The following SDK2 variants were observed in gnomAD, a reference collection of about 807,000 sequenced individuals.
The protein encoded by SDK2 is protein sidekick-2.
Under a neutral mutation model 253.9 loss-of-function variants are expected in SDK2, and 105 were observed. That is an observed-to-expected ratio of 0.41 (90% CI 0.35 to 0.49). The LOEUF is 0.49. Ranked by LOEUF, SDK2 falls within the 20% of genes least tolerant of loss-of-function variation. The pLI, the probability that SDK2 is intolerant of heterozygous loss-of-function variation, is 0.06. For missense variants in SDK2, 2,608 were observed against 3,003.0 expected, an observed-to-expected ratio of 0.87 and a Z score of 3.07; for synonymous variants, 1,249 against 1,234.9, an observed-to-expected ratio of 1.01 and a Z score of -0.24.
chr17:73,384,984 T>C (rs112706059), intron 32 of SDK2, among the ~76,000 whole-genome samples: 2 of 152,202 alleles, frequency 1.3e-5, no homozygotes, highest in African/African-American at 4.8e-5. Flanking sequence ...GTCATGTTTA[T>C]CTACGGGAGC....
intron 36 of SDK2, among the ~76,000 whole-genome samples, chr17:73,372,840 T>C (rs183581234): frequency 6.6e-6 from 1 of 152,246 alleles, no homozygotes; most frequent in African/African-American, 2.4e-5. Flanking sequence ...ACACATGCAT[T>C]ATGAAATGAT....
intron 2 of SDK2, among the ~76,000 whole-genome samples, chr17:73,490,549 GT>G (rs767658702): frequency 7.4e-4 from 101 of 136,796 alleles, no homozygotes; most frequent in Non-Finnish European, 9.5e-4. Flanking sequence ...TTTGAGATGG[GT>G]TTTTTTTTTT....
At position 73,477,504 on chromosome 17, in the gene SDK2, A is replaced by C. The variant is rs553007670; in HGVS notation, c.225-5286T>G. Among the ~76,000 whole-genome samples, 17 of 152,328 alleles carry C rather than the reference A, an allele frequency of 1.1e-4. 1 individual carries two copies. The East Asian group carries it at 3.3e-3, about 29-fold the overall frequency. On this transcript the variant is annotated intron_variant, in intron 2 of 44. Transcript: ENST00000392650. ...ATGTGTGGCCCAGGCAAGTTATGGG[A>C]CCTTGCAAGCCTTAGTTTCCCTGAC... is the stretch of plus-strand genomic sequence containing the variant.
intron 36 of SDK2, among the ~76,000 whole-genome samples, chr17:73,376,617 C>G (rs1332480231): frequency 6.6e-6 from 1 of 152,028 alleles, no homozygotes; most frequent in African/African-American, 2.4e-5. Context: ...ATGTAGGCCT[C>G]TGCTGTATTC....
At chr17:73,402,597 GA>G (rs2145531346) in intron 18 of SDK2, among the ~76,000 whole-genome samples, 1 of 152,180 alleles carries the variant, frequency 6.6e-6, no homozygotes, top group South Asian at 2.1e-4. Flanking sequence ...GCACACCCAT[GA>G]AGCCGGCCCT....
At chr17:73,501,974 C>T (rs1319418301) in intron 2 of SDK2, among the ~76,000 whole-genome samples, 3 of 152,122 alleles carry the variant, frequency 2.0e-5, no homozygotes, top group Non-Finnish European at 4.4e-5. Context: ...CTGACTTCAA[C>T]GTCTATGCTC....
At chr17:73,505,051 C>T (rs1397766263) in intron 2 of SDK2, among the ~76,000 whole-genome samples, 2 of 152,072 alleles carry the variant, frequency 1.3e-5, no homozygotes, top group Non-Finnish European at 1.5e-5. Flanking sequence ...CCCAAGTGCG[C>T]GCTCATCTAT....
At chr17:73,631,149 C>T (rs542799461) in intron 1 of SDK2, among the ~76,000 whole-genome samples, 4 of 152,214 alleles carry the variant, frequency 2.6e-5, no homozygotes, top group South Asian at 4.2e-4. Context: ...ATTACTGTCC[C>T]GACGACTACC....
At chr17:73,375,975 C>G (rs968256774) in intron 36 of SDK2, among the ~76,000 whole-genome samples, 1 of 151,724 alleles carries the variant, frequency 6.6e-6, no homozygotes, top group Non-Finnish European at 1.5e-5. Flanking sequence ...GTGGGTGGAT[C>G]ACGAAGTCAA....
At chr17:73,382,960 C>T (rs1309440231) in intron 33 of SDK2, among the ~76,000 whole-genome samples, 4 of 152,134 alleles carry the variant, frequency 2.6e-5, no homozygotes, top group Non-Finnish European at 2.9e-5. Context: ...ACCCAGGAAG[C>T]GGAGGTTGCA....
In SDK2 at chr17:73,385,937, G is replaced by A. The variant is rs1465065912; in HGVS notation, c.4499-20C>T. On this transcript the variant is annotated intron_variant, in intron 31 of 44. Coordinates refer to ENST00000392650, the MANE Select transcript of SDK2 (RefSeq NM_001144952.2). Reference sequence around the variant, plus strand: ...CGGGGGCTGTGGAGAGAAGCAGACAGGTGGGTTCTGGGGGCCGCAGCTTCA... The same window carrying A: ...CGGGGGCTGTGGAGAGAAGCAGACAAGTGGGTTCTGGGGGCCGCAGCTTCA... 2.5e-6 allele frequency: 4 copies of A among 1,579,302 alleles called. No homozygotes were observed. In the Admixed American group the frequency reaches 7.2e-5, roughly 29 times the overall value.
chr17:73,442,898 GTTTTT>G (rs1382093185), intron 5 of SDK2, among the ~76,000 whole-genome samples: 1 of 146,364 alleles, frequency 6.8e-6, no homozygotes, highest in African/African-American at 2.5e-5. Flanking sequence ...TATATTTTGA[GTTTTT>G]TTTTTTAAAG....
In SDK2 at chr17:73,361,848, G is replaced by A. The variant is rs113200409; in HGVS notation, c.5306-3C>T. On this transcript the variant is annotated splice_polypyrimidine_tract_variant and splice_region_variant and intron_variant, in intron 38 of 44. Coordinates refer to ENST00000392650, the MANE Select transcript of SDK2 (RefSeq NM_001144952.2). This position sits in a 1 kb window ranked among gnomAD's most constrained non-coding sequence, Gnocchi z 4.1. Reference sequence around the variant, plus strand: ...CACGGTCACGATCTTGCTGACTCCTGGGGGAGGCACAGCAAGTGGGGACTG... The same window carrying A: ...CACGGTCACGATCTTGCTGACTCCTAGGGGAGGCACAGCAAGTGGGGACTG... 5.5e-4 allele frequency: 872 copies of A among 1,577,876 alleles called. 1 individual carries two copies. The highest frequency in any genetic ancestry group is 3.2e-3 in the Middle Eastern group (19 of 5,994).
At position 73,465,390 on chromosome 17, in the gene SDK2, A is replaced by G. The variant is rs1460910907; in HGVS notation, c.331+6722T>C. ...ATGAGGGCTGGGGGAAGGGGTCAGGAGGTCTCACCCAGGTGAGGAGAACAC... is the reference window on the plus strand; with the variant it reads ...ATGAGGGCTGGGGGAAGGGGTCAGGGGGTCTCACCCAGGTGAGGAGAACAC... On this transcript the variant is annotated intron_variant, in intron 3 of 44. Transcript: ENST00000392650. The surrounding 1 kb of genome is among the most constrained non-coding windows in gnomAD (Gnocchi z 4.2). Among the ~76,000 whole-genome samples, 1 of 152,102 alleles carries G rather than the reference A, an allele frequency of 6.6e-6. No homozygotes were observed.
chr17:73,462,746 C>T (rs957944901), intron 3 of SDK2, among the ~76,000 whole-genome samples: 1 of 152,070 alleles, frequency 6.6e-6, no homozygotes, highest in African/African-American at 2.4e-5. Context: ...GCACAGCTGG[C>T]CTTGGTCCAG....
rs2063135098 is a variant in SDK2, at chr17:73,412,026, G to GTA, written c.2484+2616_2484+2617dup. Among the ~76,000 whole-genome samples, 3 of 50,092 alleles carry GTA rather than the reference G, an allele frequency of 6.0e-5. No homozygotes were observed. The East Asian group carries it at 1.1e-3, about 18-fold the overall frequency. The allele number at this position is 50,092 out of a possible 152,430, so 32.9% of individuals were successfully genotyped here. A position where few individuals can be genotyped will look rare whatever the true frequency, so the allele number is the denominator to read the frequency against. On this transcript the variant is annotated intron_variant, in intron 18 of 44. Transcript: ENST00000392650. ...CATATATATGTAGATATACGTATATGTATATATACGTATATATATGTATAT... is the reference window on the plus strand; with the variant it reads ...CATATATATGTAGATATACGTATATGTATATATATACGTATATATATGTATAT...
At chr17:73,513,517 G>C (rs2063998133) in intron 1 of SDK2, 2 of 152,308 alleles carry the variant, frequency 1.3e-5, no homozygotes, top group South Asian at 4.1e-4. Flanking sequence ...CTGTAGCTTG[G>C]TACGCCCTCT....
intron 18 of SDK2, among the ~76,000 whole-genome samples, chr17:73,409,282 G>A (rs12938226): frequency 0.99 from 150,331 of 152,274 alleles, 74,235 homozygotes; most frequent in East Asian, 1. Context: ...GGAGTTTGAG[G>A]CCAGCCTGGT....
rs1568378984 is a variant in SDK2 at position 73,391,422 on chromosome 17, G to T, written c.3997+18C>A. Reference sequence around the variant, plus strand: ...TCCTTCTTCCTGCAGCCGGGGCACGGGAAGGGCAAAGGCTTACCAAGAATG... The same window carrying T: ...TCCTTCTTCCTGCAGCCGGGGCACGTGAAGGGCAAAGGCTTACCAAGAATG... On this transcript the variant is annotated intron_variant, in intron 28 of 44. Transcript: ENST00000392650. 1 of 1,288,698 alleles carries T rather than the reference G, an allele frequency of 7.8e-7. No homozygotes were observed. Among genetic ancestry groups the T allele is most frequent in the East Asian group, 2.8e-5 (1 of 35,278 alleles). The allele number at this position is 1,288,698 out of a possible 1,614,324, so 79.8% of individuals were successfully genotyped here. A position where few individuals can be genotyped will look rare whatever the true frequency, so the allele number is the denominator to read the frequency against.
Sources: allele counts gnomAD v4.1 joint callset (sites outside exome capture counted in the v4.1 genomes callset), GRCh38; gene constraint gnomAD v4.1.1; non-coding constraint Gnocchi (gnomAD v3.1); transcripts MANE v1.5; gene names NCBI Gene and HGNC (gene_info 2026-07-23, HGNC 2026-07-21).